The following PLA2G1B variants were observed in gnomAD, a reference collection of about 807,000 sequenced individuals.
The protein encoded by PLA2G1B is phospholipase A2.
A neutral mutation model predicts 12.5 loss-of-function variants in PLA2G1B; 12 were observed. The observed-to-expected ratio is 0.96, with a 90% CI of 0.62 to 1.56. The LOEUF (loss-of-function observed/expected upper bound fraction) is 1.56, where lower values mean the gene tolerates loss of function less well. Among genes scored for constraint, PLA2G1B ranks in the 40% most tolerant of loss-of-function variants. The pLI is 0.00. For missense variants in PLA2G1B, 189 were observed against 186.7 expected, an observed-to-expected ratio of 1.01 and a Z score of -0.07; for synonymous variants, 81 against 73.4, an observed-to-expected ratio of 1.10 and a Z score of -0.53.
chr12:120,322,468 G>A (rs1873255708), intron 3 of PLA2G1B, 151 bp from the exon 4 acceptor site: 2 of 678,084 alleles, frequency 2.9e-6, no homozygotes, highest in African/African-American at 1.8e-5. Context: ...ACATCAGGAT[G>A]CCCAGTTAAA....
chr12:120,323,583 T>C (rs1468889731), intron 3 of PLA2G1B, among the ~76,000 whole-genome samples: 1 of 152,060 alleles, frequency 6.6e-6, no homozygotes, highest in Non-Finnish European at 1.5e-5. Flanking sequence ...TTTTAATTAA[T>C]ATGAACAAAC....
At chr12:120,326,079 C>G in intron 1 of PLA2G1B, 59 bp from the exon 2 acceptor site, 1 of 1,570,526 alleles carries the variant, frequency 6.4e-7, no homozygotes, top group South Asian at 1.1e-5. Context: ...GGACACACTG[C>G]CTTCCTGCTC....
At chr12:120,326,447 A>G (rs983120594) in intron 1 of PLA2G1B, among the ~76,000 whole-genome samples, 2 of 147,500 alleles carry the variant, frequency 1.4e-5, no homozygotes, top group African/African-American at 5.0e-5. Flanking sequence ...GGTTCACGCC[A>G]TTCTCCTGCC....
At position 120,322,148 on chromosome 12, in the gene PLA2G1B, G is replaced by A. The variant is rs1349838019; in HGVS notation, c.*45C>T. On this transcript the variant is annotated 3_prime_UTR_variant, in exon 4 of 4. Coordinates refer to ENST00000308366, the MANE Select transcript of PLA2G1B (RefSeq NM_000928.3). Reference sequence around the variant, plus strand: ...ACAAGGTGCTTTATTGGAGAGTACAGTGTGAGATGAGGCAGATAGAGGTGA... The same window carrying A: ...ACAAGGTGCTTTATTGGAGAGTACAATGTGAGATGAGGCAGATAGAGGTGA... 3 of 1,601,570 alleles carry A rather than the reference G, an allele frequency of 1.9e-6. No homozygotes were observed. The highest frequency in any genetic ancestry group is 2.6e-6 in the Non-Finnish European group (3 of 1,170,934).
chr12:120,326,161 G>T, intron 1 of PLA2G1B, 141 bp from the exon 2 acceptor site: 4 of 677,722 alleles, frequency 5.9e-6, no homozygotes, highest in Admixed American at 2.9e-5. Flanking sequence ...CCAGGAACCT[G>T]GTAAAGTGAA....
intron 1 of PLA2G1B, 137 bp downstream of exon 1, chr12:120,327,583 C>T: frequency 1.2e-6 from 1 of 833,362 alleles, no homozygotes; most frequent in Non-Finnish European, 2.1e-6. Context: ...AGCCCTTAAG[C>T]CCCACTGGGA....
intron 2 of PLA2G1B, among the ~76,000 whole-genome samples, chr12:120,325,530 T>C (rs560957971): frequency 1.3e-5 from 2 of 152,260 alleles, no homozygotes; most frequent in South Asian, 4.1e-4. Flanking sequence ...GTTGCAAGAA[T>C]ACAGTAAAAT....
At chr12:120,327,607 A>G in intron 1 of PLA2G1B, 113 bp downstream of exon 1, 1 of 1,029,962 alleles carries the variant, frequency 9.7e-7, no homozygotes, top group Non-Finnish European at 1.5e-6. Context: ...TCGAATTGAG[A>G]CTGCGGGGCT....
chr12:120,326,083 C>T (rs1328734252), intron 1 of PLA2G1B, 63 bp from the exon 2 acceptor site: 1 of 1,564,416 alleles, frequency 6.4e-7, no homozygotes, highest in Non-Finnish European at 8.7e-7. Context: ...ACACTGCCTT[C>T]CTGCTCCCTC....
chr12:120,326,583 TAATA>T (rs1565876453), intron 1 of PLA2G1B, among the ~76,000 whole-genome samples: 4 of 34,266 alleles, frequency 1.2e-4, no homozygotes, highest in African/African-American at 2.4e-4. Flanking sequence ...ACAGATATAA[TAATA>T]ATAATAATAA....
chr12:120,324,030 G>A (rs1873289435), intron 3 of PLA2G1B, among the ~76,000 whole-genome samples: 1 of 151,972 alleles, frequency 6.6e-6, no homozygotes, highest in East Asian at 1.9e-4. Flanking sequence ...GACAGTAATC[G>A]GCCAGGCACA....
chr12:120,325,816 C>T (rs1476209822), intron 2 of PLA2G1B, 45 bp downstream of exon 2: 3 of 1,600,104 alleles, frequency 1.9e-6, no homozygotes, highest in Non-Finnish European at 2.6e-6. Context: ...TGCCCCACCC[C>T]GCCCCCGGCA....
intron 3 of PLA2G1B, among the ~76,000 whole-genome samples, chr12:120,323,107 G>A (rs998221164): frequency 6.6e-6 from 1 of 152,098 alleles, no homozygotes; most frequent in Non-Finnish European, 1.5e-5. Context: ...TATTTATGTA[G>A]AGTTTGAAGT....
intron 3 of PLA2G1B, 58 bp downstream of exon 3, chr12:120,324,875 TC>T (rs1213253471): frequency 1.3e-5 from 20 of 1,570,268 alleles, no homozygotes; most frequent in South Asian, 2.2e-5. Flanking sequence ...TACTATTATT[TC>T]CCCCCGGCCT....
intron 2 of PLA2G1B, 50 bp from the exon 3 acceptor site, chr12:120,325,111 G>A: frequency 6.2e-7 from 1 of 1,608,004 alleles, no homozygotes; most frequent in Non-Finnish European, 8.5e-7. Flanking sequence ...AGAGCAATAG[G>A]TCAGCCCTCA....
chr12:120,326,145 T>C (rs1873342729), intron 1 of PLA2G1B, 125 bp from the exon 2 acceptor site: 1 of 891,380 alleles, frequency 1.1e-6, no homozygotes. Flanking sequence ...CTGAAGACCG[T>C]TGGACCCAGG....
intron 2 of PLA2G1B, among the ~76,000 whole-genome samples, 171 bp from the exon 3 acceptor site, chr12:120,325,232 AT>A (rs373502630): frequency 2.3e-3 from 344 of 146,414 alleles, no homozygotes; most frequent in South Asian, 2.8e-3. Context: ...TATTGAAAGC[AT>A]TTTTTTTTTT....
chr12:120,322,537 A>G (rs1211829549), intron 3 of PLA2G1B, among the ~76,000 whole-genome samples: 1 of 152,216 alleles, frequency 6.6e-6, no homozygotes, highest in East Asian at 1.9e-4. Context: ...CCAAAAAATT[A>G]TCCATTGCTT....
rs9657935 is a variant in PLA2G1B, at chr12:120,324,846, A to T, written c.322+88T>A. 1.1e-3 allele frequency: 1,583 copies of T among 1,392,202 alleles called. 11 individuals carry two copies. The African/African-American group carries it at 0.02, about 17-fold the overall frequency. 86.2% of individuals were successfully genotyped at this position (1,392,202 alleles called of 1,614,324 possible). On this transcript the variant is annotated intron_variant, in intron 3 of 3. Transcript: ENST00000308366. ...ACTGCCCAGAACCAAGAAAATTAAC[A>T]CTAAATCATGGCTGTTGTTACTATT...
Sources: gnomAD v4.1 joint callset for allele counts (sites outside exome capture counted in the v4.1 genomes callset) on GRCh38, gnomAD v4.1.1 for gene constraint, MANE v1.5 for transcripts, NCBI Gene and HGNC (gene_info 2026-07-23, HGNC 2026-07-21) for gene names.